The following INIP variants were observed in gnomAD, a reference collection of about 807,000 sequenced individuals.
INIP encodes the protein INTS3 and NABP interacting protein.
Under a neutral mutation model 14.0 loss-of-function variants are expected in INIP, and 9 were observed. The ratio of observed to expected loss-of-function variants is 0.64; its 90% confidence interval spans 0.39 to 1.12. INIP has a LOEUF of 1.12. INIP is among the 50% of genes most tolerant of loss of function. The probability of loss-of-function intolerance (pLI) is 0.01; values close to 1 mark genes in which losing one functional copy is unlikely to be tolerated. For synonymous variants in INIP, 37 were observed against 41.5 expected, an observed-to-expected ratio of 0.89 and a Z score of 0.41; for missense variants, 78 against 122.7, an observed-to-expected ratio of 0.64 and a Z score of 1.72.
Position 112,716,524 on chromosome 9 carries a change from T to C in INIP, c.-39A>G, listed in dbSNP as rs1838823685. 1.3e-6 allele frequency: 2 copies of C among 1,598,506 alleles called. No individual in the cohort carries two copies. The highest frequency in any genetic ancestry group is 2.7e-5 in the African/African-American group (2 of 74,636). ...TTCAAGTATGTCCAGTGGCAATTGG[T>C]CAGCACTTCACAATCACCTATAAAA... On this transcript the variant is annotated 5_prime_UTR_variant, in exon 2 of 5. Coordinates refer to ENST00000374242, the MANE Select transcript of INIP (RefSeq NM_021218.3).
chr9:112,688,409 T>C (rs2131278134), intron 4 of INIP, among the ~76,000 whole-genome samples: 1 of 151,858 alleles, frequency 6.6e-6, no homozygotes, highest in East Asian at 1.9e-4. Flanking sequence ...GTGAGATTAC[T>C]GGTGATTAAA....
In INIP at chr9:112,686,390, T is replaced by C. The variant is rs1837665804; in HGVS notation, c.*1148A>G. ...ACTAGGGTAGGGTAGTGGGACTGCA[T>C]ACTTAAATAAGCACCCCAGATACTG... On this transcript the variant is annotated 3_prime_UTR_variant, in exon 5 of 5. Coordinates refer to ENST00000374242, the MANE Select transcript of INIP (RefSeq NM_021218.3). The C allele has an allele frequency of 6.6e-6, 1 of 152,212 alleles. No individual in the cohort carries two copies. Among genetic ancestry groups the C allele is most frequent in the African/African-American group, 2.4e-5 (1 of 41,466 alleles). 9.4% of individuals were successfully genotyped at this position (152,212 alleles called of 1,614,324 possible).
rs1837582783 is a variant in INIP, at chr9:112,684,371, G to A, written c.*3167C>T. ...ACCAGCCTGGGCAACATAGCAAGAT[G>A]CTGTCTCTACAAAAATTAAAAAAAA... On this transcript the variant is annotated 3_prime_UTR_variant, in exon 5 of 5. Transcript: ENST00000374242. 1 of 151,520 alleles carries A rather than the reference G, an allele frequency of 6.6e-6. No homozygotes were observed. Among genetic ancestry groups the A allele is most frequent in the Non-Finnish European group, 1.5e-5 (1 of 67,960 alleles). The allele number at this position is 151,520 out of a possible 1,614,324, so 9.4% of individuals were successfully genotyped here. A position where few individuals can be genotyped will look rare whatever the true frequency, so the allele number is the denominator to read the frequency against.
In INIP at chr9:112,689,518, A is replaced by G. The variant is rs764536806; in HGVS notation, c.219+9T>C. On this transcript the variant is annotated intron_variant, in intron 4 of 4. Coordinates refer to ENST00000374242, the MANE Select transcript of INIP (RefSeq NM_021218.3). ...CCACCGAGGCAAGAATGTCAGTTAC[A>G]CTGCTCACCTGCAAAGCTGCCTTCT... 6.2e-7 allele frequency: 1 copy of G among 1,612,608 alleles called. No homozygotes were observed. Among genetic ancestry groups the G allele is most frequent in the Non-Finnish European group, 8.5e-7 (1 of 1,178,638 alleles).
intron 2 of INIP, among the ~76,000 whole-genome samples, chr9:112,711,881 A>G (rs1438756408): frequency 1.3e-5 from 2 of 152,232 alleles, no homozygotes; most frequent in African/African-American, 4.8e-5. Context: ...CAAGCTTTCA[A>G]TTTCCAGTAC....
At chr9:112,705,066 G>A (rs1838414040) in intron 2 of INIP, among the ~76,000 whole-genome samples, 2 of 136,586 alleles carry the variant, frequency 1.5e-5, no homozygotes, top group South Asian at 2.3e-4. Context: ...AGCCATGACT[G>A]TGCCATTGCA....
intron 4 of INIP, 72 bp from the exon 5 acceptor site, chr9:112,687,705 A>G: frequency 1.2e-6 from 1 of 819,074 alleles, no homozygotes. Flanking sequence ...CAAGGCATTA[A>G]AATTACTCTT....
intron 1 of INIP, among the ~76,000 whole-genome samples, chr9:112,716,849 G>A (rs189785034): frequency 4.1e-4 from 62 of 152,040 alleles, no homozygotes; most frequent in African/African-American, 1.4e-3. Flanking sequence ...CAGCTACTCG[G>A]GAGGGCGAGA....
At chr9:112,716,035 A>AT (rs1394430675) in intron 2 of INIP, among the ~76,000 whole-genome samples, 1 of 152,110 alleles carries the variant, frequency 6.6e-6, no homozygotes, top group African/African-American at 2.4e-5. Flanking sequence ...GCACAAGTGT[A>AT]TTTCAAATTT....
chr9:112,715,941 G>T (rs889589156), intron 2 of INIP, among the ~76,000 whole-genome samples: 2 of 152,078 alleles, frequency 1.3e-5, no homozygotes, highest in Non-Finnish European at 2.9e-5. Context: ...TCACTTAGGC[G>T]ATTGAAATTT....
chr9:112,693,946 G>A, intron 3 of INIP, 185 bp downstream of exon 3: 1 of 374,094 alleles, frequency 2.7e-6, no homozygotes, highest in Non-Finnish European at 4.8e-6. Flanking sequence ...GTCGTGGCAG[G>A]TGCCTGTAAT....
At chr9:112,710,004 CT>C (rs1198761329) in intron 2 of INIP, among the ~76,000 whole-genome samples, 1 of 152,202 alleles carries the variant, frequency 6.6e-6, no homozygotes, top group Non-Finnish European at 1.5e-5. Flanking sequence ...AAACTCTCAT[CT>C]TTAAAAAGGT....
intron 4 of INIP, among the ~76,000 whole-genome samples, chr9:112,688,003 A>G (rs1009982842): frequency 9.2e-5 from 14 of 152,026 alleles, no homozygotes; most frequent in Non-Finnish European, 1.3e-4. Context: ...GGAGAATGGC[A>G]TGAACCTGGG....
At chr9:112,715,545 G>A (rs945178584) in intron 2 of INIP, among the ~76,000 whole-genome samples, 2 of 152,002 alleles carry the variant, frequency 1.3e-5, no homozygotes, top group African/African-American at 2.4e-5. Context: ...AGGCCAAGGC[G>A]GGCGGATCAC....
chr9:112,702,222 A>T (rs976814340), intron 2 of INIP, among the ~76,000 whole-genome samples: 1 of 152,216 alleles, frequency 6.6e-6, no homozygotes, highest in Admixed American at 6.5e-5. Context: ...CTCAAGATTA[A>T]CTTGTTCACA....
chr9:112,702,865 A>G (rs1429409198), intron 2 of INIP, among the ~76,000 whole-genome samples: 1 of 152,208 alleles, frequency 6.6e-6, no homozygotes, highest in African/African-American at 2.4e-5. Flanking sequence ...CCCCGGATGA[A>G]AAATTTATAA....
intron 3 of INIP, among the ~76,000 whole-genome samples, chr9:112,692,725 T>C (rs962347631): frequency 2.1e-5 from 3 of 142,512 alleles, no homozygotes; most frequent in Admixed American, 7.0e-5. Context: ...TAAAAAACCA[T>C]ACAAAACTCA....
intron 2 of INIP, among the ~76,000 whole-genome samples, chr9:112,710,310 A>C (rs998682880): frequency 2.6e-5 from 4 of 152,210 alleles, no homozygotes; most frequent in African/African-American, 9.6e-5. Flanking sequence ...TACTACTATA[A>C]GCATTTTCAG....
At chr9:112,704,676 T>G (rs1564235875) in intron 2 of INIP, among the ~76,000 whole-genome samples, 1 of 152,200 alleles carries the variant, frequency 6.6e-6, no homozygotes, top group South Asian at 2.1e-4. Context: ...CTCTGAACTC[T>G]CAGTAATTTG....
Sources: allele counts gnomAD v4.1 joint callset (sites outside exome capture counted in the v4.1 genomes callset), GRCh38; gene constraint gnomAD v4.1.1; transcripts MANE v1.5; gene names NCBI Gene and HGNC (gene_info 2026-07-23, HGNC 2026-07-21).